The following CDK12 variants were observed in gnomAD, a reference collection of about 807,000 sequenced individuals.
The protein encoded by CDK12 is cyclin-dependent kinase 12.
Under a neutral mutation model 133.8 loss-of-function variants are expected in CDK12, and 17 were observed. That is an observed-to-expected ratio of 0.13 (90% CI 0.09 to 0.19). The LOEUF (loss-of-function observed/expected upper bound fraction) is 0.19. Ranked by LOEUF, CDK12 falls within the 10% of genes least tolerant of loss-of-function variation. The pLI is 1.00. For synonymous variants in CDK12, 694 were observed against 683.6 expected (o/e 1.02, Z -0.24); for missense variants, 1,508 against 1,818.7 (o/e 0.83, Z 3.11).
intron 3 of CDK12, among the ~76,000 whole-genome samples, chr17:39,562,713 A>G (rs919972454): frequency 6.6e-6 from 1 of 152,198 alleles, no homozygotes; most frequent in Admixed American, 6.5e-5. Flanking sequence ...CATCAAAAAA[A>G]GGGCAAAAAA....
intron 1 of CDK12, among the ~76,000 whole-genome samples, chr17:39,468,078 T>C (rs1450696406): frequency 6.6e-6 from 1 of 150,606 alleles, no homozygotes; most frequent in East Asian, 2.0e-4. Flanking sequence ...GTATTTTTAG[T>C]AGAGCTGGGA....
rs780299303 is a variant in CDK12 at position 39,471,774 on chromosome 17, T to C, written c.1931+11T>C. On this transcript the variant is annotated intron_variant, in intron 2 of 13. Transcript: ENST00000447079. ...TGATGACATGGATAGGTAAGTCCTA[T>C]AGTGAACTGGAAAAAACCCCCTTGA... is the stretch of plus-strand genomic sequence containing the variant. The C allele has an allele frequency of 3.8e-6, 6 of 1,586,664 alleles. No homozygotes were observed. In the African/African-American group the frequency reaches 8.1e-5, roughly 21 times the overall value.
At chr17:39,477,281 G>T (rs747760273) in intron 2 of CDK12, among the ~76,000 whole-genome samples, 6 of 151,882 alleles carry the variant, frequency 4.0e-5, no homozygotes. Context: ...TGTTGCCCAG[G>T]CTGGAGTGTA....
chr17:39,491,478 C>G (rs1255273141), intron 3 of CDK12, among the ~76,000 whole-genome samples: 1 of 152,056 alleles, frequency 6.6e-6, no homozygotes, highest in Non-Finnish European at 1.5e-5. Context: ...CTCAGGTAAT[C>G]CACCGCCTTG....
chr17:39,517,689 G>A lies in CDK12; in HGVS notation c.2963+133G>A, dbSNP rs35598597. ...CAGTGTAGGAAAACATTTTAGTTTC[G>A]AACAGTATATGAGTTTTATCATAGC... On this transcript the variant is annotated intron_variant, in intron 10 of 13. Transcript: ENST00000447079. 0.018 allele frequency: 10,884 copies of A among 619,170 alleles called. 873 individuals carry two copies. The African/African-American group carries it at 0.18, about 10-fold the overall frequency. The allele number at this position is 619,170 out of a possible 1,614,324, so 38.4% of individuals were successfully genotyped here.
At chr17:39,543,169 T>C (rs1002883971), upstream of CDK12, among the ~76,000 whole-genome samples, 5 of 152,212 alleles carry the variant, frequency 3.3e-5, no homozygotes, top group African/African-American at 1.2e-4. Flanking sequence ...TGCTCTGAGA[T>C]TACAGGAAAA....
chr17:39,552,670 G>T (rs2055999740), intron 2 of CDK12, among the ~76,000 whole-genome samples: 2 of 152,136 alleles, frequency 1.3e-5, no homozygotes. Context: ...TTTCTCCAAG[G>T]AACAGAGCCT....
chr17:39,511,695 C>T (rs1414771976), intron 8 of CDK12, 65 bp downstream of exon 8: 2 of 1,006,904 alleles, frequency 2.0e-6, no homozygotes, highest in Non-Finnish European at 3.0e-6. Flanking sequence ...ACTTTGTTTT[C>T]TCTGTACACT....
downstream of CDK12, among the ~76,000 whole-genome samples, chr17:39,535,309 G>A (rs533165786): frequency 2.0e-5 from 3 of 152,290 alleles, no homozygotes; most frequent in Non-Finnish European, 4.4e-5. Context: ...ATACAGGAAG[G>A]TTAAGGGATA....
intron 6 of CDK12, among the ~76,000 whole-genome samples, chr17:39,506,011 AAG>A (rs1483036743): frequency 6.6e-6 from 1 of 152,134 alleles, no homozygotes; most frequent in Non-Finnish European, 1.5e-5. Flanking sequence ...TTCACTGAAA[AAG>A]GTCATTTACT....
chr17:39,539,855 T>G (rs1480947608), intron 1 of CDK12, among the ~76,000 whole-genome samples: 1 of 152,226 alleles, frequency 6.6e-6, no homozygotes, highest in Non-Finnish European at 1.5e-5. Flanking sequence ...GGGAGGAATC[T>G]CATGGAAGAG....
At chr17:39,500,166 C>T (rs1156843213) in intron 5 of CDK12, among the ~76,000 whole-genome samples, 1 of 151,930 alleles carries the variant, frequency 6.6e-6, no homozygotes, top group African/African-American at 2.4e-5. Flanking sequence ...CCTGTCTCTA[C>T]AAAAAATGAA....
intron 3 of CDK12, 112 bp downstream of exon 3, chr17:39,490,845 C>T: frequency 1.4e-6 from 1 of 738,644 alleles, no homozygotes; most frequent in Non-Finnish European, 2.0e-6. Flanking sequence ...AAGTTTGGTC[C>T]CAAAGTATTT....
At chr17:39,487,645 C>A (rs1189753677) in intron 2 of CDK12, among the ~76,000 whole-genome samples, 5 of 103,962 alleles carry the variant, frequency 4.8e-5, no homozygotes, top group African/African-American at 1.1e-4. Context: ...GAGATAAAGT[C>A]TTGCCCTGTC....
intron 7 of CDK12, 40 bp from the exon 8 acceptor site, chr17:39,511,489 C>G: frequency 8.1e-7 from 1 of 1,236,862 alleles, no homozygotes; most frequent in Non-Finnish European, 1.2e-6. Context: ...TCATCAGAAG[C>G]CACTGTAAGT....
upstream of CDK12, among the ~76,000 whole-genome samples, chr17:39,543,496 G>A (rs547436342): frequency 6.6e-5 from 10 of 152,324 alleles, no homozygotes; most frequent in African/African-American, 2.4e-4. Flanking sequence ...GCCTAGGCTG[G>A]AAGCAGAATG....
At chr17:39,526,702 A>AC (rs1484755637) in intron 13 of CDK12, among the ~76,000 whole-genome samples, 1 of 152,210 alleles carries the variant, frequency 6.6e-6, no homozygotes, top group African/African-American at 2.4e-5. Flanking sequence ...ATCAGACTAT[A>AC]CTTCTTTACC....
chr17:39,565,260 C>T (rs1472469536), downstream of CDK12, among the ~76,000 whole-genome samples: 1 of 152,000 alleles, frequency 6.6e-6, no homozygotes, highest in Non-Finnish European at 1.5e-5. Flanking sequence ...ACTATAGGCG[C>T]CCGCCACCAC....
chr17:39,518,749 G>C (rs549715889), intron 10 of CDK12, among the ~76,000 whole-genome samples: 2 of 151,998 alleles, frequency 1.3e-5, no homozygotes, highest in South Asian at 4.1e-4. Context: ...AGTAGAGATG[G>C]CATTTCACCA....
Sources: allele counts gnomAD v4.1 joint callset (sites outside exome capture counted in the v4.1 genomes callset), GRCh38; gene constraint gnomAD v4.1.1; transcripts MANE v1.5; gene names NCBI Gene and HGNC (gene_info 2026-07-23, HGNC 2026-07-21).